The following MARCO variants were observed in gnomAD, a reference collection of about 807,000 sequenced individuals.
The protein encoded by MARCO is macrophage receptor with collagenous structure.
A neutral mutation model predicts 70.0 loss-of-function variants in MARCO; 72 were observed. The ratio of observed to expected loss-of-function variants is 1.03; its 90% confidence interval spans 0.85 to 1.25. MARCO has a LOEUF of 1.25. Among genes scored for constraint, MARCO ranks in the 50% most tolerant of loss-of-function variants. MARCO has a pLI of 0.00. For missense variants in MARCO, 696 were observed against 659.3 expected (o/e 1.06, Z -0.61); for synonymous variants, 273 against 243.1 (o/e 1.12, Z -1.14).
chr2:118,947,422 C>T (rs372173826), intron 1 of MARCO, among the ~76,000 whole-genome samples: 1 of 152,132 alleles, frequency 6.6e-6, no homozygotes, highest in African/African-American at 2.4e-5. Context: ...GTGATCTTCC[C>T]ACTTCAGCCT....
chr2:118,965,892 A>G (rs1444767231), intron 1 of MARCO, among the ~76,000 whole-genome samples: 1 of 152,202 alleles, frequency 6.6e-6, no homozygotes, highest in Non-Finnish European at 1.5e-5. Flanking sequence ...GCCTGGTGCT[A>G]TCAGGTAGGA....
chr2:118,951,470 A>C (rs1679721187), intron 1 of MARCO, among the ~76,000 whole-genome samples: 2 of 152,248 alleles, frequency 1.3e-5, no homozygotes, highest in South Asian at 4.1e-4. Context: ...TTCTGGCCTG[A>C]TGAGGTGTGC....
intron 1 of MARCO, among the ~76,000 whole-genome samples, chr2:118,966,507 C>T (rs1680054368): frequency 6.6e-6 from 1 of 152,178 alleles, no homozygotes; most frequent in African/African-American, 2.4e-5. Flanking sequence ...TCTACAGGCT[C>T]AACATTCCCA....
chr2:118,982,327 T>C (rs1372610365), intron 11 of MARCO, 21 bp from the exon 12 acceptor site: 1 of 1,613,568 alleles, frequency 6.2e-7, no homozygotes, highest in African/African-American at 1.3e-5. Flanking sequence ...CCTTATGCTC[T>C]CTGTGGTGTC....
intron 1 of MARCO, among the ~76,000 whole-genome samples, chr2:118,959,374 G>A (rs575218252): frequency 1.3e-5 from 2 of 152,086 alleles, no homozygotes; most frequent in East Asian, 1.9e-4. Flanking sequence ...CAAGTGACAT[G>A]TGAAAAAATG....
chr2:118,977,535 C>T lies in MARCO; in HGVS notation c.658+20C>T, dbSNP rs1333612921. 9 of 1,612,342 alleles carry T rather than the reference C, an allele frequency of 5.6e-6. No individual in the cohort carries two copies. Among genetic ancestry groups the T allele is most frequent in the Middle Eastern group, 1.7e-4 (1 of 6,058 alleles). ...CCACTGGTAACTTGTACTTGCTCTG[C>T]TAGGGACAAATGATGCATAGCCTGA... On this transcript the variant is annotated intron_variant, in intron 7 of 16. Transcript: ENST00000327097.
At chr2:118,943,606 A>T (rs1038695780) in intron 1 of MARCO, among the ~76,000 whole-genome samples, 2 of 152,218 alleles carry the variant, frequency 1.3e-5, no homozygotes, top group Non-Finnish European at 2.9e-5. Flanking sequence ...AGATCTAACC[A>T]GGTGTAGAGC....
At chr2:118,986,596 A>AGAAAGAAAGAAG (rs1680491881) in intron 12 of MARCO, among the ~76,000 whole-genome samples, 3 of 12,332 alleles carry the variant, frequency 2.4e-4, no homozygotes, top group Non-Finnish European at 4.9e-4. Flanking sequence ...GAAGAAAGAA[A>AGAAAGAAAGAAG]GAAAGAAAGA....
intron 1 of MARCO, among the ~76,000 whole-genome samples, chr2:118,966,647 C>T (rs1015344530): frequency 6.6e-6 from 1 of 152,204 alleles, no homozygotes; most frequent in African/African-American, 2.4e-5. Context: ...TGTATCCTTA[C>T]TCACATGCCT....
chr2:118,945,655 C>CG (rs1679583841), intron 1 of MARCO, among the ~76,000 whole-genome samples: 1 of 151,942 alleles, frequency 6.6e-6, no homozygotes, highest in South Asian at 2.1e-4. Flanking sequence ...TCAAGTGATC[C>CG]GCCCCCCTTG....
At chr2:118,979,624 C>T (rs141157910) in intron 8 of MARCO, among the ~76,000 whole-genome samples, 11 of 152,286 alleles carry the variant, frequency 7.2e-5, no homozygotes, top group Non-Finnish European at 8.8e-5. Context: ...CACAAAGGCA[C>T]GCATAGAATC....
intron 16 of MARCO, among the ~76,000 whole-genome samples, chr2:118,993,934 C>T (rs1261040432): frequency 6.6e-6 from 1 of 152,222 alleles, no homozygotes; most frequent in Non-Finnish European, 1.5e-5. Context: ...GGACATGAGG[C>T]CAGTTTCCCT....
intron 1 of MARCO, among the ~76,000 whole-genome samples, chr2:118,948,494 T>C (rs1216584607): frequency 6.6e-6 from 1 of 152,222 alleles, no homozygotes; most frequent in Non-Finnish European, 1.5e-5. Flanking sequence ...TGTTCAGCAG[T>C]TACATAGGCT....
At chr2:118,961,489 T>G (rs1282622088) in intron 1 of MARCO, among the ~76,000 whole-genome samples, 1 of 152,176 alleles carries the variant, frequency 6.6e-6, no homozygotes, top group African/African-American at 2.4e-5. Flanking sequence ...CTTTCTTTTC[T>G]TGCGTATGTT....
intron 12 of MARCO, among the ~76,000 whole-genome samples, chr2:118,986,107 C>A (rs1419466676): frequency 6.6e-6 from 1 of 152,170 alleles, no homozygotes; most frequent in Non-Finnish European, 1.5e-5. Context: ...TAAGTCAAAT[C>A]ACTAAATTGT....
At chr2:118,959,215 A>G (rs1299475751) in intron 1 of MARCO, among the ~76,000 whole-genome samples, 1 of 152,228 alleles carries the variant, frequency 6.6e-6, no homozygotes, top group Non-Finnish European at 1.5e-5. Flanking sequence ...ACAGAGTGGG[A>G]GAAAATCTTC....
intron 4 of MARCO, 120 bp from the exon 5 acceptor site, chr2:118,974,213 G>A: frequency 1.4e-6 from 1 of 701,020 alleles, no homozygotes. Flanking sequence ...TTTCCACACA[G>A]TTGGCTCATC....
chr2:118,981,380 C>T (rs1315361737), intron 8 of MARCO, 29 bp from the exon 9 acceptor site: 11 of 1,495,452 alleles, frequency 7.4e-6, no homozygotes, highest in Middle Eastern at 2.2e-4. Context: ...GTTCCTCCCA[C>T]AACTAACCAA....
intron 1 of MARCO, among the ~76,000 whole-genome samples, chr2:118,964,752 G>A (rs942082022): frequency 1.3e-5 from 2 of 151,994 alleles, no homozygotes; most frequent in Non-Finnish European, 2.9e-5. Context: ...GCCGGGCATG[G>A]TGGCGTGCAC....
Sources: gnomAD v4.1 joint callset for allele counts (sites outside exome capture counted in the v4.1 genomes callset) on GRCh38, gnomAD v4.1.1 for gene constraint, MANE v1.5 for transcripts, NCBI Gene and HGNC (gene_info 2026-07-23, HGNC 2026-07-21) for gene names.